The following GATAD2B variants were observed in gnomAD, a reference collection of about 807,000 sequenced individuals.
The protein encoded by GATAD2B is transcriptional repressor p66-beta.
In GATAD2B, 8 loss-of-function variants were observed where a neutral mutation model predicts 64.3. That is an observed-to-expected ratio of 0.12 (90% confidence interval 0.07 to 0.22). The LOEUF (loss-of-function observed/expected upper bound fraction) is 0.22, where lower values mean the gene tolerates loss of function less well. Ranked by LOEUF, GATAD2B falls within the 10% of genes least tolerant of loss-of-function variation. The pLI, the probability that GATAD2B is intolerant of heterozygous loss-of-function variation, is 1.00. For missense variants in GATAD2B, 453 were observed against 752.0 expected, an observed-to-expected ratio of 0.60 and a Z score of 4.65; for synonymous variants, 281 against 271.3, an observed-to-expected ratio of 1.04 and a Z score of -0.35.
rs762234167 is a variant in GATAD2B, at chr1:153,811,725, T to C, written c.1648+6A>G. 6.4e-7 allele frequency: 1 copy of C among 1,556,728 alleles called. No individual in the cohort carries two copies. The highest frequency in any genetic ancestry group is 8.9e-7 in the Non-Finnish European group (1 of 1,128,004). ...TGAGAAACATTTTCAGATTAATCCT[T>C]CTTACCTGGCATACCAAGGAGGCCA... On this transcript the variant is annotated splice_donor_region_variant and intron_variant, in intron 10 of 10. Transcript: ENST00000368655.
chr1:153,838,628 G>A (rs1675360853), intron 1 of GATAD2B, among the ~76,000 whole-genome samples: 1 of 152,058 alleles, frequency 6.6e-6, no homozygotes, highest in South Asian at 2.1e-4. Flanking sequence ...GGCCTCCTGA[G>A]TAGCTGGAAC....
chr1:153,864,492 C>T (rs1276065048), intron 1 of GATAD2B, among the ~76,000 whole-genome samples: 4 of 152,178 alleles, frequency 2.6e-5, no homozygotes, highest in Non-Finnish European at 5.9e-5. Flanking sequence ...TGGCGCATGC[C>T]TATAGTCCCA....
chr1:153,846,557 CTT>C (rs887230575), intron 1 of GATAD2B, among the ~76,000 whole-genome samples: 9 of 113,876 alleles, frequency 7.9e-5, no homozygotes, highest in African/African-American at 1.4e-4. Context: ...TCTTTGCGTT[CTT>C]TTTTTTTTTT....
At chr1:153,838,399 T>C (rs1400253998) in intron 1 of GATAD2B, among the ~76,000 whole-genome samples, 1 of 152,198 alleles carries the variant, frequency 6.6e-6, no homozygotes, top group Non-Finnish European at 1.5e-5. Flanking sequence ...CATGAACTCA[T>C]TTTCTCTGCC....
At chr1:153,872,936 T>C (rs754906833) in intron 1 of GATAD2B, among the ~76,000 whole-genome samples, 1 of 152,170 alleles carries the variant, frequency 6.6e-6, no homozygotes, top group Non-Finnish European at 1.5e-5. Context: ...ATAAAATTAA[T>C]TTTTACTGCT....
At chr1:153,869,598 T>A (rs1676595255) in intron 1 of GATAD2B, among the ~76,000 whole-genome samples, 1 of 152,170 alleles carries the variant, frequency 6.6e-6, no homozygotes, top group Non-Finnish European at 1.5e-5. Context: ...TCCAGGTTCA[T>A]CATCTTTTTT....
chr1:153,815,081 C>CAAA (rs58874063), intron 7 of GATAD2B, among the ~76,000 whole-genome samples: 1,145 of 25,348 alleles, frequency 0.045, 199 homozygotes, highest in Non-Finnish European at 0.055. Context: ...GACTCTGTCT[C>CAAA]AAAAAAAAAA....
At chr1:153,838,505 C>CT (rs1003304793) in intron 1 of GATAD2B, among the ~76,000 whole-genome samples, 1 of 151,236 alleles carries the variant, frequency 6.6e-6, no homozygotes, top group Non-Finnish European at 1.5e-5. Context: ...CGCCCTGCCT[C>CT]TTTTTTTTTC....
At chr1:153,843,637 A>C (rs1413794624) in intron 1 of GATAD2B, among the ~76,000 whole-genome samples, 1 of 152,054 alleles carries the variant, frequency 6.6e-6, no homozygotes, top group Non-Finnish European at 1.5e-5. Flanking sequence ...CATTTGTTTT[A>C]ACTGCTGTGT....
chr1:153,815,280 C>CAAAAAAAAAAAACAAAAAAAAAAAAA, intron 7 of GATAD2B, among the ~76,000 whole-genome samples: 1 of 66,630 alleles, frequency 1.5e-5, no homozygotes, highest in Non-Finnish European at 2.7e-5. Context: ...CTCAAAAAAA[C>CAAAAAAAAAAAACAAAAAAAAAAAAA]AAAAAAAAAA....
At chr1:153,903,724 C>T (rs1677846238) in intron 1 of GATAD2B, among the ~76,000 whole-genome samples, 1 of 152,190 alleles carries the variant, frequency 6.6e-6, no homozygotes, top group Admixed American at 6.6e-5. Flanking sequence ...GGGCTCACAC[C>T]TGTAATCCCA....
At chr1:153,910,923 T>C (rs556693737) in intron 1 of GATAD2B, among the ~76,000 whole-genome samples, 2 of 152,296 alleles carry the variant, frequency 1.3e-5, no homozygotes, top group East Asian at 1.9e-4. Flanking sequence ...CAACTTACAA[T>C]AAGTTTACAG....
chr1:153,806,708 G>A lies in GATAD2B; in HGVS notation c.*3469C>T, dbSNP rs1476449685. On this transcript the variant is annotated 3_prime_UTR_variant, in exon 11 of 11. Transcript: ENST00000368655. ...GAGTCCTTGTTATAACATCTCGGCA[G>A]CAAATATCATAAGCTAATGAAGGTC... The A allele has an allele frequency of 6.7e-6, 1 of 150,334 alleles. No individual in the cohort carries two copies. Among genetic ancestry groups the A allele is most frequent in the East Asian group, 1.9e-4 (1 of 5,138 alleles). 9.3% of individuals were successfully genotyped at this position (150,334 alleles called of 1,614,324 possible). A position where few individuals can be genotyped will look rare whatever the true frequency, so the allele number is the denominator to read the frequency against.
Position 153,859,915 on chromosome 1 carries a change from T to C in GATAD2B, c.-1-31567A>G, listed in dbSNP as rs1429449957. Among the ~76,000 whole-genome samples, 551 of 125,290 alleles carry C rather than the reference T, an allele frequency of 4.4e-3. 2 individuals are homozygous for C. The highest frequency in any genetic ancestry group is 0.014 in the African/African-American group (477 of 32,900). The allele number at this position is 125,290 out of a possible 152,430, so 82.2% of individuals were successfully genotyped here. A position where few individuals can be genotyped will look rare whatever the true frequency, so the allele number is the denominator to read the frequency against. Reference sequence around the variant, plus strand: ...GAATTTTCTTTTCTTTTCTTTTTTTTTTTTTTTTTTTTTTTTTTTTGAGAC... The same window carrying C: ...GAATTTTCTTTTCTTTTCTTTTTTTCTTTTTTTTTTTTTTTTTTTTGAGAC... On this transcript the variant is annotated intron_variant, in intron 1 of 10. Transcript: ENST00000368655.
intron 1 of GATAD2B, among the ~76,000 whole-genome samples, chr1:153,874,049 A>G (rs1676749321): frequency 6.6e-6 from 1 of 152,052 alleles, no homozygotes; most frequent in Admixed American, 6.6e-5. Context: ...CATGAGGTCA[A>G]GAGATCGTCT....
At chr1:153,842,644 TTATG>T (rs71093293) in intron 1 of GATAD2B, among the ~76,000 whole-genome samples, 102,025 of 150,186 alleles carry the variant, frequency 0.68, 36,907 homozygotes, top group Non-Finnish European at 0.82. Flanking sequence ...TTTTAAAATT[TTATG>T]TATGTATGTA....
chr1:153,826,179 A>G (rs1674871882), intron 2 of GATAD2B, among the ~76,000 whole-genome samples: 1 of 151,888 alleles, frequency 6.6e-6, no homozygotes, highest in Admixed American at 6.5e-5. Flanking sequence ...AATTTTTTGT[A>G]TTTTTAGTAG....
intron 1 of GATAD2B, among the ~76,000 whole-genome samples, chr1:153,912,589 G>C (rs531747599): frequency 1.4e-4 from 22 of 152,240 alleles, no homozygotes; most frequent in African/African-American, 5.1e-4. Flanking sequence ...CAATACATGT[G>C]ACCAACTGTT....
At position 153,810,110 on chromosome 1, in the gene GATAD2B, A is replaced by C; in HGVS notation, c.*67T>G. 6.7e-7 allele frequency: 1 copy of C among 1,489,438 alleles called. No homozygotes were observed. The highest frequency in any genetic ancestry group is 1.2e-5 in the South Asian group (1 of 81,334). 92.3% of individuals were successfully genotyped at this position (1,489,438 alleles called of 1,614,324 possible). ...CAGTACAGGCACTGCATGCGACAGA[A>C]GTTGGGGGAATGAAAGAGGAAAGGG... is the stretch of plus-strand genomic sequence containing the variant. On this transcript the variant is annotated 3_prime_UTR_variant, in exon 11 of 11. Transcript: ENST00000368655.
Sources: allele counts gnomAD v4.1 joint callset (sites outside exome capture counted in the v4.1 genomes callset), GRCh38; gene constraint gnomAD v4.1.1; transcripts MANE v1.5; gene names NCBI Gene and HGNC (gene_info 2026-07-23, HGNC 2026-07-21).